The following MYH6 variants were observed in gnomAD, a reference collection of about 807,000 sequenced individuals.
MYH6 encodes myosin-6.
A neutral mutation model predicts 223.2 loss-of-function variants in MYH6; 126 were observed. The ratio of observed to expected loss-of-function variants is 0.56; its 90% CI spans 0.49 to 0.65. The LOEUF is 0.65. Ranked by LOEUF, MYH6 falls within the 30% of genes least tolerant of loss-of-function variation. The pLI, the probability that MYH6 is intolerant of heterozygous loss-of-function variation, is 0.00. For missense variants in MYH6, 2,040 were observed against 2,536.4 expected (o/e 0.80, Z 4.20); for synonymous variants, 978 against 1,010.2 (o/e 0.97, Z 0.61).
In MYH6 at chr14:23,388,152, C is replaced by T. The variant is rs1891097060; in HGVS notation, c.4359+3G>A. ...CTGGCTGCGGCCCCCGCCCATGGTC[C>T]ACCTTGTCAAAGTTTCTCTGCTTCT... On this transcript the variant is annotated splice_donor_region_variant and intron_variant, in intron 30 of 38. Coordinates refer to ENST00000405093, the MANE Select transcript of MYH6 (RefSeq NM_002471.4). The T allele has an allele frequency of 6.2e-7, 1 of 1,612,168 alleles. No individual in the cohort carries two copies. Among genetic ancestry groups the T allele is most frequent in the South Asian group, 1.1e-5 (1 of 91,008 alleles).
intron 8 of MYH6, 55 bp from the exon 9 acceptor site, chr14:23,403,833 C>G: frequency 1.4e-6 from 2 of 1,471,590 alleles, no homozygotes; most frequent in Non-Finnish European, 1.9e-6. Flanking sequence ...GAGTGAAATC[C>G]TGGCCCTCTG....
At chr14:23,384,171 G>A (rs1890945153) in intron 36 of MYH6, among the ~76,000 whole-genome samples, 1 of 149,410 alleles carries the variant, frequency 6.7e-6, no homozygotes, top group African/African-American at 2.5e-5. Context: ...AAGTCTTCAT[G>A]GTAGCACTTA....
rs751532166 is a variant in MYH6 at position 23,392,541 on chromosome 14, T to G, written c.3342+21A>C. 8.3e-6 allele frequency: 13 copies of G among 1,565,396 alleles called. No homozygotes were observed. The South Asian group carries it at 1.4e-4, about 17-fold the overall frequency. On this transcript the variant is annotated intron_variant, in intron 25 of 38. Transcript: ENST00000405093. ...CAGGGCTATTGAGCTCCCACTTTCA[T>G]GCACTGGGAAAAAAAGTCACCTGGT...
intron 30 of MYH6, 50 bp downstream of exon 30, chr14:23,388,105 T>A (rs1206523823): frequency 2.5e-6 from 4 of 1,611,820 alleles, no homozygotes; most frequent in Admixed American, 1.7e-5. Context: ...ACTGAACCCC[T>A]CATGCCCCCT....
chr14:23,382,042 A>C lies in MYH6; in HGVS notation c.5818T>G (p.Ter1940GlyextTer12). The C allele has an allele frequency of 6.2e-7, 1 of 1,613,948 alleles. No homozygotes were observed. Among genetic ancestry groups the C allele is most frequent in the South Asian group, 1.1e-5 (1 of 91,064 alleles). ...AGAGTGAGGTTCCCGAGGCAGTGTCACTCCTCATCGTGCATTTTTTGCTGC... is the reference window on the plus strand; with the variant it reads ...AGAGTGAGGTTCCCGAGGCAGTGTCCCTCCTCATCGTGCATTTTTTGCTGC... ...GAKQKMHDEE[*>G] The change falls in exon 39 of 39, where the codon TGA (stop) becomes GGA (glycine). Residue 1940 changes from the stop codon to glycine, a stop_lost. Coordinates refer to ENST00000405093, the MANE Select transcript of MYH6 (RefSeq NM_002471.4).
chr14:23,383,729 T>C (rs1250352360), intron 36 of MYH6, among the ~76,000 whole-genome samples: 3 of 152,246 alleles, frequency 2.0e-5, no homozygotes, highest in Non-Finnish European at 4.4e-5. Context: ...ATTATCATAA[T>C]CCAGATTATT....
At chr14:23,397,517 T>A (rs1566511998) in intron 16 of MYH6, 26 bp downstream of exon 16, 2 of 1,612,140 alleles carry the variant, frequency 1.2e-6, no homozygotes, top group Non-Finnish European at 1.7e-6. Context: ...CCACCAGGTG[T>A]CCTGGCACCC....
chr14:23,388,415 C>G lies in MYH6; in HGVS notation c.4176-77G>C, dbSNP rs529649095. 4.3e-5 allele frequency: 68 copies of G among 1,586,158 alleles called. No homozygotes were observed. In the Admixed American group the frequency reaches 1.1e-3, roughly 26 times the overall value. On this transcript the variant is annotated intron_variant, in intron 29 of 38. Coordinates refer to ENST00000405093, the MANE Select transcript of MYH6 (RefSeq NM_002471.4). ...GAGCCTTGGGTGGACCTCCTTCCAC[C>G]CCCTCCCTATATCTCCTTGAGACAC...
rs767096302 is a variant in MYH6, at chr14:23,383,226, G to C, written c.5660C>G (p.Ala1887Gly). Reference sequence around the variant, plus strand: ...AAGGGAAGAAAGCTCTGAACTCACCGCCTCCTCGGCCTGGCGCTTGTAGGC... The same window carrying C: ...AAGGGAAGAAAGCTCTGAACTCACCCCCTCCTCGGCCTGGCGCTTGTAGGC... Reference protein sequence around the residue: ...VKAYKRQAEEAEEQANTNLSK... With the variant: ...VKAYKRQAEEGEEQANTNLSK... The change falls in exon 37 of 39, where the codon GCG becomes GGG. Residue 1887 changes from alanine to glycine, a missense_variant and splice_region_variant. Coordinates refer to ENST00000405093, the MANE Select transcript of MYH6 (RefSeq NM_002471.4). 6.2e-7 allele frequency: 1 copy of C among 1,609,202 alleles called. No homozygotes were observed. The highest frequency in any genetic ancestry group is 8.5e-7 in the Non-Finnish European group (1 of 1,179,050).
intron 25 of MYH6, among the ~76,000 whole-genome samples, chr14:23,391,238 T>C (rs1891229084): frequency 6.6e-6 from 1 of 152,228 alleles, no homozygotes; most frequent in African/African-American, 2.4e-5. Context: ...ACAGCTTTAA[T>C]GGACTGTTCA....
At chr14:23,384,824 G>C (rs1890970797) in intron 35 of MYH6, 92 bp downstream of exon 35, 5 of 1,613,144 alleles carry the variant, frequency 3.1e-6, no homozygotes, top group African/African-American at 1.3e-5. Flanking sequence ...CAGAACTGCA[G>C]AGTTGGCTTG....
intron 3 of MYH6, among the ~76,000 whole-genome samples, chr14:23,406,521 C>G (rs957190755): frequency 1.3e-5 from 2 of 152,162 alleles, no homozygotes; most frequent in African/African-American, 4.8e-5. Flanking sequence ...AGGGGTGATT[C>G]TCTTGGCTGG....
In MYH6 at chr14:23,386,501, G is replaced by T; in HGVS notation, c.4773C>A (p.Asn1591Lys). 1 of 1,614,158 alleles carries T rather than the reference G, an allele frequency of 6.2e-7. No homozygotes were observed. The highest frequency in any genetic ancestry group is 8.5e-7 in the Non-Finnish European group (1 of 1,180,024). ...KDEEMEQAKR[N>K]HQRVVDSLQT... ...GCAGCGAGTCCACCACCCGCTGGTGGTTGCGCTTGGCCTGTTCCATCTCCT... is the reference window on the plus strand; with the variant it reads ...GCAGCGAGTCCACCACCCGCTGGTGTTTGCGCTTGGCCTGTTCCATCTCCT... The change falls in exon 33 of 39, where the codon AAC (asparagine) becomes AAA (lysine). Residue 1591 changes from asparagine (N) to lysine (K), a missense_variant. Coordinates refer to ENST00000405093, the MANE Select transcript of MYH6 (RefSeq NM_002471.4).
chr14:23,402,441 G>A (rs1224282638), intron 12 of MYH6, 23 bp downstream of exon 12: 2 of 1,611,638 alleles, frequency 1.2e-6, no homozygotes, highest in Admixed American at 1.7e-5. Flanking sequence ...GCCTTCCCAG[G>A]GCTGCCTGCC....
chr14:23,396,024 C>G (rs920272811), intron 20 of MYH6, among the ~76,000 whole-genome samples: 9 of 151,472 alleles, frequency 5.9e-5, no homozygotes, highest in African/African-American at 2.2e-4. Flanking sequence ...TGTAGACCAT[C>G]TGAGCAAGCA....
chr14:23,405,555 G>T lies in MYH6; in HGVS notation c.345+72C>A. The stretch of plus-strand genomic sequence containing the variant: ...TTGGGAGTCTCTCCCCCTCTTCTTG[G>T]GAGAGCCCCCCTGGCTTATTTAGGC... On this transcript the variant is annotated intron_variant, in intron 4 of 38. Coordinates refer to ENST00000405093, the MANE Select transcript of MYH6 (RefSeq NM_002471.4). This position sits in a 1 kb window ranked among gnomAD's most constrained non-coding sequence, Gnocchi z 4.7. 6.2e-7 allele frequency: 1 copy of T among 1,609,280 alleles called. No homozygotes were observed.
At position 23,394,263 on chromosome 14, in the gene MYH6, G is replaced by C. The variant is rs1566510407; in HGVS notation, c.2490C>G (p.Pro830=). ...TGATCTTGAAGTAGAGCTTCATCCA[G>C]GGCCAATTCTTGACCCCCATGAAGG... The part of the protein sequence containing the change: ...IRAFMGVKNW[P]WMKLYFKIKP... Residue 830 remains proline, a synonymous_variant, in exon 21 of 39, where the codon CCC becomes CCG. Coordinates refer to ENST00000405093, the MANE Select transcript of MYH6 (RefSeq NM_002471.4). The C allele has an allele frequency of 6.2e-7, 1 of 1,614,176 alleles. No homozygotes were observed. Among genetic ancestry groups the C allele is most frequent in the Non-Finnish European group, 8.5e-7 (1 of 1,180,036 alleles).
At position 23,403,731 on chromosome 14, in the gene MYH6, A is replaced by G. The variant is rs776467222; in HGVS notation, c.783T>C (p.Ser261=). 6.2e-7 allele frequency: 1 copy of G among 1,613,024 alleles called. No individual in the cohort carries two copies. Among genetic ancestry groups the G allele is most frequent in the Non-Finnish European group, 8.5e-7 (1 of 1,179,548 alleles). Residue 261 remains serine (S), a synonymous_variant, in exon 9 of 39, where the codon TCT becomes TCC. Transcript: ENST00000405093. ...IHFGATGKLA[S]ADIETYLLEK... is the part of the protein sequence containing the mutation. ...GGTACTCACAGGTCTCTATGTCTGC[A>G]GAAGCCAGCTTTCCAGTGGCCCCAA...
chr14:23,405,616 G>A lies in MYH6; in HGVS notation c.345+11C>T. On this transcript the variant is annotated intron_variant, in intron 4 of 38. Transcript: ENST00000405093. This position sits in a 1 kb window ranked among gnomAD's most constrained non-coding sequence, Gnocchi z 4.7. ...CACAGGAAGCCTCTGCAGTGTGCAG[G>A]AGCCACTCACATATATCATCCAGGC... The A allele has an allele frequency of 6.2e-7, 1 of 1,614,174 alleles. No individual in the cohort carries two copies. The highest frequency in any genetic ancestry group is 8.5e-7 in the Non-Finnish European group (1 of 1,180,020).
Sources: gnomAD v4.1 joint callset for allele counts (sites outside exome capture counted in the v4.1 genomes callset) on GRCh38, gnomAD v4.1.1 for gene constraint, Gnocchi (gnomAD v3.1) non-coding constraint, MANE v1.5 for transcripts, NCBI Gene and HGNC (gene_info 2026-07-23, HGNC 2026-07-21) for gene names.